EPHA6: variants seen among roughly 807,000 people sequenced by gnomAD.
The protein encoded by EPHA6 is EPH receptor A6, also known as ephrin type-A receptor 6.
A neutral mutation model predicts 112.0 loss-of-function variants in EPHA6; 50 were observed. The observed-to-expected ratio is 0.45, with a 90% confidence interval of 0.36 to 0.56. The LOEUF (loss-of-function observed/expected upper bound fraction) is 0.56. Among genes scored for constraint, EPHA6 ranks in the 20% least tolerant of loss-of-function variants. The pLI is 0.00. For missense variants in EPHA6, 1,280 were observed against 1,417.4 expected (o/e 0.90, Z 1.56); for synonymous variants, 529 against 490.7 (o/e 1.08, Z -1.03).
At chr3:97,435,786 G>A (rs1481645295) in intron 6 of EPHA6, among the ~76,000 whole-genome samples, 1 of 152,014 alleles carries the variant, frequency 6.6e-6, no homozygotes, top group Non-Finnish European at 1.5e-5. Context: ...AACCAGCTTA[G>A]GTTTATGAGT....
chr3:97,161,825 T>A (rs1382029534), intron 3 of EPHA6, among the ~76,000 whole-genome samples: 2 of 152,204 alleles, frequency 1.3e-5, no homozygotes, highest in Non-Finnish European at 2.9e-5. Flanking sequence ...CAGCATAGTG[T>A]CATCAATGTA....
intron 7 of EPHA6, among the ~76,000 whole-genome samples, chr3:97,449,392 A>T (rs1055643006): frequency 1.3e-5 from 2 of 152,146 alleles, no homozygotes; most frequent in Admixed American, 6.6e-5. Flanking sequence ...CTTTTGCCAG[A>T]CATCTTTATG....
chr3:97,276,896 C>G (rs2080101797), intron 5 of EPHA6, among the ~76,000 whole-genome samples: 1 of 152,054 alleles, frequency 6.6e-6, no homozygotes, highest in African/African-American at 2.4e-5. Flanking sequence ...CCACCAATTG[C>G]TGGGCAGGTG....
chr3:97,232,662 G>C lies in EPHA6; in HGVS notation c.1270+6243G>C, dbSNP rs568130008. Among the ~76,000 whole-genome samples the C allele has an allele frequency of 2.7e-4, 41 of 152,282 alleles. No individual in the cohort carries two copies. In the South Asian group the frequency reaches 8.1e-3, roughly 30 times the overall value. The stretch of plus-strand genomic sequence containing the variant: ...GACCAAGGCAAGTTTTAGAACAGGA[G>C]TGAAAGTTTATTAAAATGTTTTTGG... On this transcript the variant is annotated intron_variant, in intron 4 of 17. Coordinates refer to ENST00000389672, the MANE Select transcript of EPHA6 (RefSeq NM_001080448.3).
At chr3:97,579,829 A>G (rs2093421515) in intron 11 of EPHA6, among the ~76,000 whole-genome samples, 1 of 152,198 alleles carries the variant, frequency 6.6e-6, no homozygotes, top group African/African-American at 2.4e-5. Context: ...GTGTAAATTT[A>G]CCATCATATA....
intron 2 of EPHA6, among the ~76,000 whole-genome samples, chr3:96,949,731 T>C (rs1022808658): frequency 5.9e-5 from 9 of 152,130 alleles, no homozygotes; most frequent in African/African-American, 2.2e-4. Context: ...CTAACTTCTA[T>C]TTAAATGTCA....
chr3:97,713,961 T>C (rs1009343125), intron 14 of EPHA6, among the ~76,000 whole-genome samples: 3 of 152,200 alleles, frequency 2.0e-5, no homozygotes, highest in African/African-American at 7.2e-5. Context: ...GGGACTAAAC[T>C]CACTGGACCA....
At chr3:97,340,734 G>T (rs907213782) in intron 5 of EPHA6, among the ~76,000 whole-genome samples, 3 of 152,132 alleles carry the variant, frequency 2.0e-5, no homozygotes, top group Non-Finnish European at 2.9e-5. Context: ...CCTTCTTATT[G>T]TGTTCTCACT....
intron 3 of EPHA6, among the ~76,000 whole-genome samples, chr3:97,129,463 C>T (rs2048276525): frequency 6.6e-6 from 1 of 151,770 alleles, no homozygotes; most frequent in African/African-American, 2.4e-5. Context: ...GATCGTGCCA[C>T]TGCTCTCCAG....
intron 3 of EPHA6, among the ~76,000 whole-genome samples, chr3:97,122,762 G>A (rs1054800692): frequency 6.6e-6 from 1 of 151,860 alleles, no homozygotes; most frequent in East Asian, 1.9e-4. Context: ...TTATATACAA[G>A]CCAGTGAACA....
chr3:97,463,998 C>A (rs757589855), intron 7 of EPHA6, among the ~76,000 whole-genome samples: 3 of 152,106 alleles, frequency 2.0e-5, no homozygotes, highest in Non-Finnish European at 4.4e-5. Context: ...CTGGAAAATT[C>A]TCCAAAGGAA....
In EPHA6 at chr3:97,731,600, T is replaced by C. The variant is rs952018668; in HGVS notation, c.2935-4325T>C. The stretch of plus-strand genomic sequence containing the variant: ...CTATTATTCATGAAACTACTTGCTA[T>C]GTGATATTGACCCAATCTTTTAATC... On this transcript the variant is annotated intron_variant, in intron 15 of 17. Transcript: ENST00000389672. 2.0e-5 allele frequency among the ~76,000 whole-genome samples: 3 copies of C among 152,098 alleles called. No individual in the cohort carries two copies. The South Asian group carries it at 6.2e-4, about 31-fold the overall frequency.
intron 1 of EPHA6, among the ~76,000 whole-genome samples, chr3:96,826,013 T>TA (rs1364743115): frequency 6.6e-6 from 1 of 151,908 alleles, no homozygotes. Context: ...GTTTTTTTGT[T>TA]ATAATTGCAA....
At chr3:97,714,905 A>G (rs975589563) in intron 14 of EPHA6, among the ~76,000 whole-genome samples, 1 of 152,268 alleles carries the variant, frequency 6.6e-6, no homozygotes, top group African/African-American at 2.4e-5. Context: ...GTAAGACTCC[A>G]TATGATAAGC....
intron 10 of EPHA6, among the ~76,000 whole-genome samples, chr3:97,505,964 G>T (rs181882790): frequency 6.6e-6 from 1 of 152,038 alleles, no homozygotes; most frequent in Admixed American, 6.6e-5. Context: ...TCATGTGTTT[G>T]TTTGGCCACA....
At chr3:97,596,896 ATATATATATG>A (rs2093598677) in intron 12 of EPHA6, among the ~76,000 whole-genome samples, 1 of 140,202 alleles carries the variant, frequency 7.1e-6, no homozygotes, top group African/African-American at 2.8e-5. Flanking sequence ...ATATATATAT[ATATATATATG>A]TATGTATATA....
intron 9 of EPHA6, chr3:97,481,407 T>C: frequency 1.4e-6 from 2 of 1,453,472 alleles, no homozygotes; most frequent in African/African-American, 1.4e-5. Context: ...CTGTGGGTTT[T>C]ATCTGTTCGC....
chr3:96,912,736 T>C (rs542970361), intron 2 of EPHA6, among the ~76,000 whole-genome samples: 1 of 152,166 alleles, frequency 6.6e-6, no homozygotes, highest in East Asian at 2.0e-4. Flanking sequence ...TACAGGTGTG[T>C]GCCACCATGC....
chr3:96,955,770 C>G (rs1017765377), intron 2 of EPHA6, among the ~76,000 whole-genome samples: 6 of 152,066 alleles, frequency 3.9e-5, no homozygotes, highest in African/African-American at 1.4e-4. Context: ...TGTCAGTAAG[C>G]CTAATATTTC....
Sources: gnomAD v4.1 joint callset for allele counts (sites outside exome capture counted in the v4.1 genomes callset) on GRCh38, gnomAD v4.1.1 for gene constraint, MANE v1.5 for transcripts, NCBI Gene and HGNC (gene_info 2026-07-23, HGNC 2026-07-21) for gene names.